The following MCTP1 variants were observed in gnomAD, a reference collection of about 807,000 sequenced individuals.
MCTP1 encodes multiple C2 and transmembrane domain-containing protein 1.
Under a neutral mutation model 120.6 loss-of-function variants are expected in MCTP1, and 69 were observed. The ratio of observed to expected loss-of-function variants is 0.57; its 90% CI spans 0.47 to 0.70. MCTP1 has a LOEUF of 0.70. MCTP1 is among the 30% of genes least tolerant of loss of function. The pLI is 0.00. For synonymous variants in MCTP1, 529 were observed against 493.1 expected, an observed-to-expected ratio of 1.07 and a Z score of -0.96; for missense variants, 1,203 against 1,248.8, an observed-to-expected ratio of 0.96 and a Z score of 0.55.
intron 2 of MCTP1, among the ~76,000 whole-genome samples, chr5:94,973,424 T>A (rs948888851): frequency 2.0e-5 from 3 of 152,202 alleles, no homozygotes; most frequent in Non-Finnish European, 4.4e-5. Flanking sequence ...CAATTATTAA[T>A]TCTGTGCCAT....
At chr5:94,707,678 G>C (rs940467609) in intron 22 of MCTP1, 111 bp from the exon 23 acceptor site, 1 of 752,488 alleles carries the variant, frequency 1.3e-6, no homozygotes, top group African/African-American at 1.8e-5. Flanking sequence ...GCTCACTCTA[G>C]AAGCTGTATG....
At chr5:95,164,765 T>C (rs1423716139) in intron 1 of MCTP1, among the ~76,000 whole-genome samples, 2 of 152,186 alleles carry the variant, frequency 1.3e-5, no homozygotes, top group Non-Finnish European at 1.5e-5. Context: ...TTTTAATATT[T>C]CTATTTATAA....
At chr5:94,992,064 A>C (rs1831668528) in intron 2 of MCTP1, among the ~76,000 whole-genome samples, 1 of 152,190 alleles carries the variant, frequency 6.6e-6, no homozygotes, top group Admixed American at 6.5e-5. Context: ...GGCTGTTAAC[A>C]GCAGTCACTT....
intron 18 of MCTP1, among the ~76,000 whole-genome samples, chr5:94,786,408 A>T (rs1777702121): frequency 6.6e-6 from 1 of 151,996 alleles, no homozygotes; most frequent in African/African-American, 2.4e-5. Context: ...ATAAATAATG[A>T]TATTTTTTAT....
chr5:95,209,378 G>GCC (rs1752056852), intron 1 of MCTP1, among the ~76,000 whole-genome samples: 1 of 151,944 alleles, frequency 6.6e-6, no homozygotes, highest in Non-Finnish European at 1.5e-5. Flanking sequence ...ATTTCCCTTT[G>GCC]CCTGGCCCCT....
chr5:95,135,838 A>G (rs1347616344), intron 1 of MCTP1, among the ~76,000 whole-genome samples: 2 of 152,230 alleles, frequency 1.3e-5, no homozygotes, highest in Non-Finnish European at 2.9e-5. Context: ...TAATGCAGTA[A>G]GCATAATAGT....
At chr5:94,867,329 G>A (rs1011149333) in intron 17 of MCTP1, 26 of 1,532,834 alleles carry the variant, frequency 1.7e-5, no homozygotes, top group Middle Eastern at 3.3e-4. Flanking sequence ...ACAAAGGGAC[G>A]TAGACACTCT....
chr5:95,278,465 T>C (rs1760032342), intron 1 of MCTP1, among the ~76,000 whole-genome samples: 1 of 152,182 alleles, frequency 6.6e-6, no homozygotes, highest in East Asian at 1.9e-4. Context: ...TGCACGTTTA[T>C]ATAAAGCAAG....
intron 19 of MCTP1, among the ~76,000 whole-genome samples, chr5:94,752,886 G>T (rs1192075902): frequency 1.3e-5 from 2 of 152,202 alleles, no homozygotes; most frequent in African/African-American, 4.8e-5. Context: ...GGGATTTATG[G>T]TCATCTGAAT....
intron 17 of MCTP1, among the ~76,000 whole-genome samples, chr5:94,820,798 T>G (rs1007810648): frequency 1.3e-5 from 2 of 152,234 alleles, no homozygotes; most frequent in African/African-American, 4.8e-5. Context: ...CATACATTCC[T>G]TTTTAGATCT....
chr5:95,199,019 C>T (rs1467065810), intron 1 of MCTP1, among the ~76,000 whole-genome samples: 1 of 151,978 alleles, frequency 6.6e-6, no homozygotes, highest in Non-Finnish European at 1.5e-5. Flanking sequence ...TTCTCTAGCC[C>T]AGGACATTAA....
chr5:94,954,160 A>G (rs1457192422), intron 2 of MCTP1, among the ~76,000 whole-genome samples: 5 of 94,818 alleles, frequency 5.3e-5, no homozygotes, highest in African/African-American at 2.3e-4. Flanking sequence ...ATATATATGC[A>G]TATATATACA....
At chr5:95,138,556 A>G (rs1447728153) in intron 1 of MCTP1, among the ~76,000 whole-genome samples, 1 of 152,118 alleles carries the variant, frequency 6.6e-6, no homozygotes, top group Non-Finnish European at 1.5e-5. Flanking sequence ...ATTTAAAGAG[A>G]GGTTTCCTGG....
intron 3 of MCTP1, among the ~76,000 whole-genome samples, chr5:94,944,730 A>G (rs1818524128): frequency 6.6e-6 from 1 of 152,208 alleles, no homozygotes; most frequent in Non-Finnish European, 1.5e-5. Flanking sequence ...CTGCAAAGGC[A>G]TAAACATGGG....
At chr5:95,142,316 T>C (rs1169922624) in intron 1 of MCTP1, among the ~76,000 whole-genome samples, 1 of 152,184 alleles carries the variant, frequency 6.6e-6, no homozygotes, top group Non-Finnish European at 1.5e-5. Context: ...TCTATTGTTT[T>C]TACTAATTTG....
intron 17 of MCTP1, among the ~76,000 whole-genome samples, chr5:94,812,764 C>T (rs1422107711): frequency 2.5e-5 from 3 of 121,904 alleles, no homozygotes; most frequent in East Asian, 4.0e-4. Flanking sequence ...CACAGTGAGA[C>T]CTTGCCTCTT....
intron 1 of MCTP1, among the ~76,000 whole-genome samples, chr5:95,278,745 C>T (rs1760063786): frequency 6.6e-6 from 1 of 151,818 alleles, no homozygotes; most frequent in African/African-American, 2.4e-5. Flanking sequence ...AGCGGATCAC[C>T]TGAGGTCGGG....
intron 2 of MCTP1, among the ~76,000 whole-genome samples, chr5:94,969,621 A>G (rs891524148): frequency 6.6e-6 from 1 of 152,126 alleles, no homozygotes; most frequent in African/African-American, 2.4e-5. Flanking sequence ...AAAAAAGACA[A>G]AAGAAAAAAA....
At chr5:95,159,680 T>A (rs773141207) in intron 1 of MCTP1, among the ~76,000 whole-genome samples, 4 of 152,066 alleles carry the variant, frequency 2.6e-5, no homozygotes, top group Admixed American at 6.6e-5. Flanking sequence ...CAACTTTGAT[T>A]TTTTTTTCAA....
Sources: gnomAD v4.1 joint callset for allele counts (sites outside exome capture counted in the v4.1 genomes callset) on GRCh38, gnomAD v4.1.1 for gene constraint, MANE v1.5 for transcripts, NCBI Gene and HGNC (gene_info 2026-07-23, HGNC 2026-07-21) for gene names.